PHTF2: variants seen among roughly 807,000 people sequenced by gnomAD.
PHTF2 encodes the protein protein PHTF2.
Under a neutral mutation model 101.2 loss-of-function variants are expected in PHTF2, and 60 were observed. The observed-to-expected ratio is 0.59, with a 90% CI of 0.48 to 0.73. PHTF2 has a LOEUF of 0.73. Ranked by LOEUF, PHTF2 falls within the 30% of genes least tolerant of loss-of-function variation. The probability of loss-of-function intolerance (pLI) is 0.00; values close to 1 mark genes in which losing one functional copy is unlikely to be tolerated. For missense variants in PHTF2, 747 were observed against 908.7 expected (o/e 0.82, Z 2.29); for synonymous variants, 311 against 307.3 (o/e 1.01, Z -0.13).
intron 1 of PHTF2, among the ~76,000 whole-genome samples, chr7:77,822,466 G>A (rs376438181): frequency 2.4e-4 from 37 of 152,266 alleles, no homozygotes; most frequent in African/African-American, 8.2e-4. Context: ...GGAGGGGAGT[G>A]TGCACCCTGT....
chr7:77,805,326 G>A (rs575705783), intron 1 of PHTF2, among the ~76,000 whole-genome samples: 1 of 151,968 alleles, frequency 6.6e-6, no homozygotes, highest in Non-Finnish European at 1.5e-5. Context: ...CTGGCTAGAG[G>A]TTTATTGATC....
At chr7:77,864,454 G>A (rs572028898) in intron 3 of PHTF2, among the ~76,000 whole-genome samples, 54 of 152,226 alleles carry the variant, frequency 3.5e-4, no homozygotes, top group African/African-American at 1.3e-3. Context: ...GGCCTATAAC[G>A]ATTTTTCTGG....
chr7:77,848,794 GGA>G (rs1409515987), intron 2 of PHTF2, among the ~76,000 whole-genome samples: 5 of 152,040 alleles, frequency 3.3e-5, no homozygotes, highest in African/African-American at 1.2e-4. Context: ...CCATTATCTT[GGA>G]GAGTTTCCCC....
intron 3 of PHTF2, among the ~76,000 whole-genome samples, chr7:77,869,923 A>G (rs1325197459): frequency 6.6e-6 from 1 of 152,028 alleles, no homozygotes; most frequent in African/African-American, 2.4e-5. Flanking sequence ...TTTTACCCAT[A>G]TATTTGAATT....
chr7:77,886,547 CAT>C (rs1799865391), intron 3 of PHTF2, among the ~76,000 whole-genome samples: 1 of 152,022 alleles, frequency 6.6e-6, no homozygotes, highest in Non-Finnish European at 1.5e-5. Context: ...TGTATAGAAA[CAT>C]ATAAAATTAG....
At chr7:77,908,667 A>G (rs1802085668) in intron 7 of PHTF2, 126 bp from the exon 7 acceptor site, 8 of 576,390 alleles carry the variant, frequency 1.4e-5, no homozygotes, top group Admixed American at 3.4e-5. Flanking sequence ...CTCTATAGTA[A>G]TATTTTAAAC....
chr7:77,910,398 C>G, exon 9 of PHTF2: 1 of 1,611,732 alleles, frequency 6.2e-7, no homozygotes, highest in South Asian at 1.1e-5. Flanking sequence ...ATGCTGCTTT[C>G]TTTTTATCAG....
intron 1 of PHTF2, among the ~76,000 whole-genome samples, chr7:77,816,816 G>T (rs1213100783): frequency 1.3e-5 from 2 of 152,158 alleles, no homozygotes; most frequent in Non-Finnish European, 2.9e-5. Context: ...GTGAGAACAT[G>T]CAGGGTTTAA....
intron 1 of PHTF2, among the ~76,000 whole-genome samples, chr7:77,803,058 A>G (rs1042174203): frequency 2.6e-5 from 4 of 152,362 alleles, no homozygotes; most frequent in Middle Eastern, 3.4e-3. Flanking sequence ...GACACAAAAT[A>G]TAGAAGTGAG....
chr7:77,923,153 G>T lies in PHTF2; in HGVS notation c.1119+375G>T, dbSNP rs530071809. 7.2e-6 allele frequency: 7 copies of T among 970,102 alleles called. No individual in the cohort carries two copies. In the South Asian group the frequency reaches 2.4e-4, roughly 33 times the overall value. The allele number at this position is 970,102 out of a possible 1,614,324, so 60.1% of individuals were successfully genotyped here. ...TATTTTAAGTAACTTCCTTCATATT[G>T]CTGTCACCAGTTATTAAGTCCCCAT... On this transcript the variant is annotated intron_variant, in intron 11 of 19. Coordinates refer to ENST00000416283, the Ensembl canonical transcript of PHTF2.
At chr7:77,801,399 A>C (rs916556753) in intron 1 of PHTF2, among the ~76,000 whole-genome samples, 1 of 152,166 alleles carries the variant, frequency 6.6e-6, no homozygotes, top group Non-Finnish European at 1.5e-5. Context: ...CAGCCTGACC[A>C]ATATGAAACC....
intron 1 of PHTF2, among the ~76,000 whole-genome samples, chr7:77,834,312 C>CAA (rs34947684): frequency 0.018 from 1,607 of 88,354 alleles, 18 homozygotes; most frequent in Non-Finnish European, 0.022. Flanking sequence ...GACCTTGTCT[C>CAA]AAAAAAAAAA....
At chr7:77,947,432 C>G (rs1584792377) in intron 16 of PHTF2, among the ~76,000 whole-genome samples, 2 of 150,996 alleles carry the variant, frequency 1.3e-5, no homozygotes, top group East Asian at 4.0e-4. Flanking sequence ...TCGCGGTGGT[C>G]CATGCCTGTA....
intron 7 of PHTF2, among the ~76,000 whole-genome samples, chr7:77,907,658 C>T (rs144850056): frequency 6.6e-6 from 1 of 152,298 alleles, no homozygotes; most frequent in Non-Finnish European, 1.5e-5. Flanking sequence ...CACCTAAATA[C>T]CCATCTCTTT....
At chr7:77,910,870 G>A (rs576977737) in intron 9 of PHTF2, among the ~76,000 whole-genome samples, 2 of 152,248 alleles carry the variant, frequency 1.3e-5, no homozygotes, top group East Asian at 3.9e-4. Context: ...GCCTCCTAAA[G>A]TGCTGTGATT....
At chr7:77,815,285 A>G (rs919104328) in intron 1 of PHTF2, among the ~76,000 whole-genome samples, 1 of 152,126 alleles carries the variant, frequency 6.6e-6, no homozygotes, top group Non-Finnish European at 1.5e-5. Context: ...AAATGACTGC[A>G]AAAGTACCAG....
intron 3 of PHTF2, among the ~76,000 whole-genome samples, chr7:77,867,314 A>G (rs1315066983): frequency 6.6e-6 from 1 of 152,176 alleles, no homozygotes; most frequent in Non-Finnish European, 1.5e-5. Flanking sequence ...AAGTGAACGT[A>G]GGGTCGTTTT....
intron 1 of PHTF2, among the ~76,000 whole-genome samples, chr7:77,811,993 G>A (rs1444269662): frequency 6.6e-6 from 1 of 152,216 alleles, no homozygotes; most frequent in East Asian, 1.9e-4. Flanking sequence ...ACATGACCAT[G>A]TGATCATATC....
chr7:77,874,553 A>G (rs1342468442), intron 3 of PHTF2, among the ~76,000 whole-genome samples: 2 of 152,228 alleles, frequency 1.3e-5, no homozygotes, highest in East Asian at 1.9e-4. Context: ...CATTCAGCAC[A>G]TGAAAAAGAT....
Sources: allele counts gnomAD v4.1 joint callset (sites outside exome capture counted in the v4.1 genomes callset), GRCh38; gene constraint gnomAD v4.1.1; transcripts MANE v1.5; gene names NCBI Gene and HGNC (gene_info 2026-07-23, HGNC 2026-07-21).